DHRSX: variants seen among roughly 807,000 people sequenced by gnomAD.
DHRSX encodes dehydrogenase/reductase X-linked.
In DHRSX, 31 loss-of-function variants were observed where a neutral mutation model predicts 34.0. That is an observed-to-expected ratio of 0.91 (90% CI 0.69 to 1.23). The LOEUF (loss-of-function observed/expected upper bound fraction) is 1.23. Among genes scored for constraint, DHRSX ranks in the 50% most tolerant of loss-of-function variants. DHRSX has a pLI of 0.00. For missense variants in DHRSX, 414 were observed against 428.1 expected (o/e 0.97, Z 0.29); for synonymous variants, 201 against 183.8 (o/e 1.09, Z -0.76).
At chrX:2,415,168 C>T (rs1436867331) in intron 2 of DHRSX, among the ~76,000 whole-genome samples, 1 of 151,666 alleles carries the variant, frequency 6.6e-6, no homozygotes, top group Non-Finnish European at 1.5e-5. Flanking sequence ...TCATCATGAC[C>T]TAATCCAACT....
intron 5 of DHRSX, among the ~76,000 whole-genome samples, chrX:2,252,549 G>C (rs1432479527): frequency 6.6e-6 from 1 of 152,186 alleles, no homozygotes; most frequent in African/African-American, 2.4e-5. Flanking sequence ...AAGAGGAATG[G>C]TTACTTGAAA....
chrX:2,267,409 G>C (rs1274913172), intron 4 of DHRSX, among the ~76,000 whole-genome samples: 1 of 152,080 alleles, frequency 6.6e-6, no homozygotes, highest in African/African-American at 2.4e-5. Context: ...GCCAGGTTTG[G>C]TGGCAGGGTC....
Position 2,224,733 on chromosome X carries a change from C to T in DHRSX, c.805-3504G>A, listed in dbSNP as rs187960575. Among the ~76,000 whole-genome samples the T allele has an allele frequency of 5.7e-3, 871 of 152,172 alleles. 5 individuals are homozygous for T. Among genetic ancestry groups the T allele is most frequent in the African/African-American group, 0.02 (821 of 41,510 alleles). On this transcript the variant is annotated intron_variant, in intron 6 of 6. Coordinates refer to ENST00000334651, the MANE Select transcript of DHRSX (RefSeq NM_145177.3). Reference sequence around the variant, plus strand: ...GGACACACACATACTCATGCATACGCACACACACATGCACACTTACTTGCA... The same window carrying T: ...GGACACACACATACTCATGCATACGTACACACACATGCACACTTACTTGCA...
At chrX:2,363,013 C>T (rs865789063) in intron 3 of DHRSX, among the ~76,000 whole-genome samples, 175 of 115,960 alleles carry the variant, frequency 1.5e-3, no homozygotes, top group Middle Eastern at 5.0e-3. Context: ...GATATCATGC[C>T]GCCATTTTAT....
At chrX:2,344,474 C>T (rs1475971969) in intron 3 of DHRSX, among the ~76,000 whole-genome samples, 17 of 151,922 alleles carry the variant, frequency 1.1e-4, no homozygotes, top group African/African-American at 2.7e-4. Flanking sequence ...AAATACTATA[C>T]GACCACAGAC....
At chrX:2,325,174 C>T (rs185658490) in intron 3 of DHRSX, among the ~76,000 whole-genome samples, 1 of 152,170 alleles carries the variant, frequency 6.6e-6, no homozygotes, top group East Asian at 1.9e-4. Flanking sequence ...GGAGCTTGTA[C>T]GGGTGAATGT....
chrX:2,223,663 C>G (rs748721129), intron 6 of DHRSX, among the ~76,000 whole-genome samples: 2 of 151,500 alleles, frequency 1.3e-5, no homozygotes, highest in Admixed American at 6.6e-5. Flanking sequence ...GTGAAGGCAC[C>G]CATGGTGTTT....
At chrX:2,294,593 AGGT>A (rs1298097506) in intron 3 of DHRSX, among the ~76,000 whole-genome samples, 1 of 150,942 alleles carries the variant, frequency 6.6e-6, no homozygotes, top group Non-Finnish European at 1.5e-5. Flanking sequence ...TGAACCTGGG[AGGT>A]GGAGGTTGCA....
intron 3 of DHRSX, among the ~76,000 whole-genome samples, chrX:2,309,940 A>C (rs1371806071): frequency 6.6e-6 from 1 of 151,950 alleles, no homozygotes; most frequent in African/African-American, 2.4e-5. Context: ...TAAAATAAAA[A>C]CCCATCATTT....
chrX:2,349,776 T>G (rs752000185), intron 3 of DHRSX, among the ~76,000 whole-genome samples: 1 of 152,054 alleles, frequency 6.6e-6, no homozygotes, highest in East Asian at 1.9e-4. Context: ...GCAAGGTGGC[T>G]CACGCCTGTA....
At chrX:2,423,377 C>T (rs1243441646) in intron 2 of DHRSX, among the ~76,000 whole-genome samples, 3 of 151,320 alleles carry the variant, frequency 2.0e-5, no homozygotes, top group South Asian at 2.1e-4. Flanking sequence ...CGTGTCACTG[C>T]ATTCCACCTG....
intron 4 of DHRSX, among the ~76,000 whole-genome samples, chrX:2,284,328 CTGAATTCATTCATTCATT>C (rs1415988666): frequency 1.5e-4 from 22 of 151,494 alleles, no homozygotes; most frequent in East Asian, 1.9e-4. Context: ...ATTCATTCCT[CTGAATTCATTCATTCATT>C]TGAATTCTTT....
chrX:2,269,836 G>A (rs746811990), intron 4 of DHRSX, among the ~76,000 whole-genome samples: 158 of 152,174 alleles, frequency 1.0e-3, no homozygotes, highest in African/African-American at 3.7e-3. Context: ...CACTGCACCC[G>A]GCCGTGTGTG....
intron 3 of DHRSX, among the ~76,000 whole-genome samples, chrX:2,340,583 C>T (rs1214184363): frequency 1.3e-5 from 2 of 152,190 alleles, no homozygotes; most frequent in East Asian, 3.9e-4. Flanking sequence ...ACATCAGAAT[C>T]TTGACCCACA....
chrX:2,405,727 G>T (rs1353440280), intron 3 of DHRSX, among the ~76,000 whole-genome samples: 2 of 149,814 alleles, frequency 1.3e-5, no homozygotes, highest in Admixed American at 6.6e-5. Context: ...GGCCTGGGAG[G>T]CGGAGGTTGC....
chrX:2,485,828 GGAGAGAAGGAAGGAAGGGAGA>G lies in DHRSX; in HGVS notation c.109+14968_109+14988del, dbSNP rs1569506221. 1.0e-4 allele frequency among the ~76,000 whole-genome samples: 9 copies of G among 86,624 alleles called. 1 individual carries two copies. The highest frequency in any genetic ancestry group is 2.1e-4 in the Non-Finnish European group (9 of 42,798). 56.8% of individuals were successfully genotyped at this position (86,624 alleles called of 152,430 possible). A position where few individuals can be genotyped will look rare whatever the true frequency, so the allele number is the denominator to read the frequency against. On this transcript the variant is annotated intron_variant, in intron 1 of 6. Coordinates refer to ENST00000334651, the MANE Select transcript of DHRSX (RefSeq NM_145177.3). ...GAAGGAAGGGAGAGAAGGAAGGAAG[GGAGAGAAGGAAGGAAGGGAGA>G]GAAAGAAAGAAGGGAAGGGAGGGAA... is the stretch of plus-strand genomic sequence containing the variant.
intron 3 of DHRSX, among the ~76,000 whole-genome samples, chrX:2,370,744 C>T (rs1221587772): frequency 6.6e-6 from 1 of 152,080 alleles, no homozygotes; most frequent in African/African-American, 2.4e-5. Flanking sequence ...GAACAAAATT[C>T]CCATCTAACG....
chrX:2,383,314 CA>C (rs1217158323), intron 3 of DHRSX, among the ~76,000 whole-genome samples: 3 of 151,540 alleles, frequency 2.0e-5, no homozygotes, highest in African/African-American at 7.3e-5. Context: ...TCATAAACAC[CA>C]TCATCACCAT....
At chrX:2,393,732 CT>C in intron 3 of DHRSX, among the ~76,000 whole-genome samples, 2 of 125,896 alleles carry the variant, frequency 1.6e-5, no homozygotes, top group African/African-American at 6.7e-5. Context: ...TCCCCGTCTC[CT>C]GCACACACGA....
Sources: gnomAD v4.1 joint callset for allele counts (sites outside exome capture counted in the v4.1 genomes callset) on GRCh38, gnomAD v4.1.1 for gene constraint, MANE v1.5 for transcripts, NCBI Gene and HGNC (gene_info 2026-07-23, HGNC 2026-07-21) for gene names.